MLXIP: variants seen among roughly 807,000 people sequenced by gnomAD.
The protein encoded by MLXIP is MLX-interacting protein.
Under a neutral mutation model 87.2 loss-of-function variants are expected in MLXIP, and 30 were observed. The ratio of observed to expected loss-of-function variants is 0.34; its 90% CI spans 0.26 to 0.47. The LOEUF (loss-of-function observed/expected upper bound fraction) is 0.47, where lower values mean the gene tolerates loss of function less well. Ranked by LOEUF, MLXIP falls within the 20% of genes least tolerant of loss-of-function variation. MLXIP has a pLI of 1.00. For missense variants in MLXIP, 1,002 were observed against 1,240.1 expected (o/e 0.81, Z 2.88); for synonymous variants, 530 against 514.0 (o/e 1.03, Z -0.42).
chr12:122,124,261 C>T (rs1159006683), intron 1 of MLXIP, among the ~76,000 whole-genome samples: 1 of 73,190 alleles, frequency 1.4e-5, no homozygotes, highest in African/African-American at 5.9e-5. Flanking sequence ...GCCGCCCCCC[C>T]GCCCTCAGCC....
Position 122,147,168 on chromosome 12 carries a change from CAGAGA to C in MLXIP, c.*5361_*5365del, listed in dbSNP as rs1191029676. ...CCACCTCGTGGTCTGAAGAACAAAC[CAGAGA>C]AGAGTCTGGTTTGGCCAGAGGCCCC... On this transcript the variant is annotated 3_prime_UTR_variant, in exon 17 of 17. Coordinates refer to ENST00000319080, the MANE Select transcript of MLXIP (RefSeq NM_014938.6). 5.9e-5 allele frequency: 9 copies of C among 152,194 alleles called. No individual in the cohort carries two copies. In the East Asian group the frequency reaches 1.7e-3, roughly 29 times the overall value. 9.4% of individuals were successfully genotyped at this position (152,194 alleles called of 1,614,324 possible).
chr12:122,091,556 A>C (rs908313057), intron 1 of MLXIP, among the ~76,000 whole-genome samples: 39 of 152,194 alleles, frequency 2.6e-4, no homozygotes, highest in Non-Finnish European at 2.9e-4. Flanking sequence ...ACAAAACAAA[A>C]AAAGACTTTT....
At chr12:122,139,563 C>CT (rs1953159877) in intron 15 of MLXIP, among the ~76,000 whole-genome samples, 1 of 152,220 alleles carries the variant, frequency 6.6e-6, no homozygotes, top group African/African-American at 2.4e-5. Context: ...GGGCAAGGGT[C>CT]TGACAGTCAG....
intron 1 of MLXIP, among the ~76,000 whole-genome samples, chr12:122,085,552 T>C (rs1186748878): frequency 6.6e-6 from 1 of 152,094 alleles, no homozygotes; most frequent in Non-Finnish European, 1.5e-5. Flanking sequence ...TACAGGCACA[T>C]GCCACCATGC....
chr12:122,129,565 G>A (rs371240129), intron 4 of MLXIP, 23 bp from the exon 5 acceptor site: 7 of 1,612,736 alleles, frequency 4.3e-6, no homozygotes, highest in African/African-American at 2.7e-5. Context: ...GGTGACCGCC[G>A]TGTCCTGTCC....
At chr12:122,098,980 G>A (rs144305620) in intron 1 of MLXIP, among the ~76,000 whole-genome samples, 23,248 of 152,242 alleles carry the variant, frequency 0.15, 2,309 homozygotes, top group East Asian at 0.26. Context: ...GCTCACGCCT[G>A]TAATCCCAGC....
intron 13 of MLXIP, 62 bp downstream of exon 13, chr12:122,138,357 G>A (rs1056606690): frequency 5.6e-5 from 91 of 1,611,884 alleles, no homozygotes; most frequent in African/African-American, 4.3e-4. Flanking sequence ...TGCTCCCTGC[G>A]TGGTCATTGC....
intron 6 of MLXIP, 168 bp downstream of exon 6, chr12:122,130,280 C>T (rs758340896): frequency 1.1e-4 from 28 of 256,484 alleles, no homozygotes; most frequent in East Asian, 7.2e-4. Context: ...ACATCCAGGC[C>T]GCACGTACCG....
At chr12:122,121,288 G>A (rs1000820127) in intron 1 of MLXIP, among the ~76,000 whole-genome samples, 2 of 147,662 alleles carry the variant, frequency 1.4e-5, no homozygotes, top group South Asian at 2.2e-4. Flanking sequence ...AATTCCAGGC[G>A]CGAGCCACTG....
intron 5 of MLXIP, 105 bp from the exon 6 acceptor site, chr12:122,129,836 C>A: frequency 6.9e-7 from 1 of 1,440,532 alleles, no homozygotes; most frequent in Non-Finnish European, 9.4e-7. Context: ...TGCCTCACTT[C>A]CACTGAGCAC....
chr12:122,093,707 TGG>T, intron 1 of MLXIP, among the ~76,000 whole-genome samples: 1 of 112,152 alleles, frequency 8.9e-6, no homozygotes, highest in Admixed American at 9.7e-5. Context: ...TGGGGTGTGT[TGG>T]TGTGGGGGGT....
intron 1 of MLXIP, among the ~76,000 whole-genome samples, chr12:122,119,195 AAAAC>A (rs767446313): frequency 7.8e-4 from 114 of 146,760 alleles, no homozygotes; most frequent in Non-Finnish European, 1.2e-3. Context: ...AAAACAAAAC[AAAAC>A]AAACAAACAA....
At chr12:122,102,460 G>C (rs1173239498) in intron 1 of MLXIP, among the ~76,000 whole-genome samples, 1 of 152,168 alleles carries the variant, frequency 6.6e-6, no homozygotes, top group Non-Finnish European at 1.5e-5. Flanking sequence ...TGTGCTGGTG[G>C]GAATGTACAA....
At chr12:122,112,652 A>G (rs1267820908) in intron 1 of MLXIP, among the ~76,000 whole-genome samples, 1 of 152,122 alleles carries the variant, frequency 6.6e-6, no homozygotes, top group Non-Finnish European at 1.5e-5. Flanking sequence ...ATCTCAAAAA[A>G]AAAAAAAAAT....
At chr12:122,138,346 G>A (rs930147978) in intron 13 of MLXIP, 51 bp downstream of exon 13, 101 of 1,609,678 alleles carry the variant, frequency 6.3e-5, no homozygotes, top group Middle Eastern at 4.9e-4. Context: ...CTGGCAGGAC[G>A]TGCTCCCTGC....
chr12:122,100,808 T>C (rs1177324125), intron 1 of MLXIP, among the ~76,000 whole-genome samples: 2 of 152,238 alleles, frequency 1.3e-5, no homozygotes, highest in African/African-American at 4.8e-5. Flanking sequence ...ACCTTTGTTA[T>C]CTATCTTGAA....
chr12:122,127,524 G>T (rs1459634162), intron 2 of MLXIP, among the ~76,000 whole-genome samples, 162 bp downstream of exon 2: 1 of 152,180 alleles, frequency 6.6e-6, no homozygotes, highest in African/African-American at 2.4e-5. Context: ...CAGAGGGGTG[G>T]CATCTGAAGA....
At chr12:122,128,077 GC>G in intron 3 of MLXIP, 109 bp downstream of exon 3, 1 of 1,016,830 alleles carries the variant, frequency 9.8e-7, no homozygotes, top group Non-Finnish European at 1.5e-6. Flanking sequence ...GGGTAGTGCA[GC>G]GCCTGCCCTG....
At position 122,133,298 on chromosome 12, in the gene MLXIP, G is replaced by T. The variant is rs775298271; in HGVS notation, c.1093-50G>T. 47 of 1,515,068 alleles carry T rather than the reference G, an allele frequency of 3.1e-5. No individual in the cohort carries two copies. The highest frequency in any genetic ancestry group is 4.1e-5 in the Non-Finnish European group (47 of 1,134,502). 93.9% of individuals were successfully genotyped at this position (1,515,068 alleles called of 1,614,324 possible). Reference sequence around the variant, plus strand: ...CTTGGCAGTGTGCAGCGCTAGAAAGGAATTGTCTGACCCCAGCATTGCTTC... The same window carrying T: ...CTTGGCAGTGTGCAGCGCTAGAAAGTAATTGTCTGACCCCAGCATTGCTTC... On this transcript the variant is annotated intron_variant, in intron 8 of 16. Transcript: ENST00000319080. This position sits in a 1 kb window ranked among gnomAD's most constrained non-coding sequence, Gnocchi z 4.9.
Sources: gnomAD v4.1 joint callset for allele counts (sites outside exome capture counted in the v4.1 genomes callset) on GRCh38, gnomAD v4.1.1 for gene constraint, Gnocchi (gnomAD v3.1) non-coding constraint, MANE v1.5 for transcripts, NCBI Gene and HGNC (gene_info 2026-07-23, HGNC 2026-07-21) for gene names.